The following SCN11A variants were observed in gnomAD, a reference collection of about 807,000 sequenced individuals.
SCN11A encodes the protein sodium channel protein type 11 subunit alpha.
A neutral mutation model predicts 162.2 loss-of-function variants in SCN11A; 122 were observed. The ratio of observed to expected loss-of-function variants is 0.75; its 90% CI spans 0.65 to 0.87. SCN11A has a LOEUF of 0.87. SCN11A is among the 40% of genes least tolerant of loss of function. The pLI is 0.00. For synonymous variants in SCN11A, 758 were observed against 751.5 expected, an observed-to-expected ratio of 1.01 and a Z score of -0.14; for missense variants, 2,015 against 2,181.6, an observed-to-expected ratio of 0.92 and a Z score of 1.52.
intron 7 of SCN11A, among the ~76,000 whole-genome samples, chr3:38,944,234 T>C (rs1000143849): frequency 2.0e-5 from 3 of 152,220 alleles, no homozygotes; most frequent in African/African-American, 7.2e-5. Context: ...TAGAATACAC[T>C]GCTGATGGCA....
At chr3:38,878,750 A>G (rs2065261196) in intron 23 of SCN11A, among the ~76,000 whole-genome samples, 1 of 152,122 alleles carries the variant, frequency 6.6e-6, no homozygotes, top group African/African-American at 2.4e-5. Flanking sequence ...GATGTCATGT[A>G]ATACTGATTA....
chr3:38,925,463 G>A lies in SCN11A; in HGVS notation c.664C>T (p.Arg222Cys), dbSNP rs775199760. ...PGITIKLLPL[R>C]TFRVFRALKA... ...AAAGCTCTGAACACACGGAAGGTACGCAGGGGCAATAGTTTGATGGTGATT... is the reference window on the plus strand; with the variant it reads ...AAAGCTCTGAACACACGGAAGGTACACAGGGGCAATAGTTTGATGGTGATT... Residue 222 changes from arginine to cysteine, a missense_variant, in exon 9 of 30, where the codon CGT (arginine) becomes TGT (cysteine). Coordinates refer to ENST00000302328, the MANE Select transcript of SCN11A (RefSeq NM_001349253.2). 1.9e-6 allele frequency: 3 copies of A among 1,613,728 alleles called. No homozygotes were observed. The highest frequency in any genetic ancestry group is 1.1e-5 in the South Asian group (1 of 91,072).
intron 19 of SCN11A, among the ~76,000 whole-genome samples, chr3:38,892,260 C>T (rs2065512734): frequency 6.6e-6 from 1 of 152,010 alleles, no homozygotes; most frequent in Non-Finnish European, 1.5e-5. Context: ...AGTTCGCCTA[C>T]CTTATAAAGA....
At chr3:38,943,573 A>G (rs2066471866) in intron 7 of SCN11A, among the ~76,000 whole-genome samples, 1 of 152,360 alleles carries the variant, frequency 6.6e-6, no homozygotes, top group East Asian at 1.9e-4. Context: ...ACATTAATTC[A>G]TATGTCTGAA....
At chr3:38,954,607 G>C (rs548278687) in intron 3 of SCN11A, among the ~76,000 whole-genome samples, 17 of 152,084 alleles carry the variant, frequency 1.1e-4, no homozygotes, top group African/African-American at 4.1e-4. Flanking sequence ...ACTGTACACA[G>C]TAAAATTTGT....
intron 2 of SCN11A, among the ~76,000 whole-genome samples, chr3:38,967,714 A>G (rs2066791685): frequency 6.6e-6 from 1 of 152,180 alleles, no homozygotes. Context: ...GTGGCAGGGA[A>G]TACACAAGCA....
chr3:39,010,667 C>A (rs774063460), intron 2 of SCN11A, among the ~76,000 whole-genome samples: 34 of 152,152 alleles, frequency 2.2e-4, no homozygotes, highest in Admixed American at 7.9e-4. Context: ...CGTGAGCCAC[C>A]ACTCCCAGCC....
In SCN11A at chr3:39,033,714, T is replaced by C. The variant is rs147911488; in HGVS notation, c.-403-1211A>G. On this transcript the variant is annotated intron_variant, in intron 1 of 29. Transcript: ENST00000302328. ...ACATCACAGTACAGCTGGCCCTCAA[T>C]ATCCATGGGTTCCACATCTGTGGAT... 2.0e-3 allele frequency among the ~76,000 whole-genome samples: 309 copies of C among 152,288 alleles called. 2 individuals carry two copies. The highest frequency in any genetic ancestry group is 7.0e-3 in the African/African-American group (293 of 41,562).
chr3:39,025,845 C>T (rs753329239), intron 2 of SCN11A: 6 of 152,194 alleles, frequency 3.9e-5, no homozygotes, highest in Non-Finnish European at 7.3e-5. Flanking sequence ...CCTTATTTTA[C>T]TCCTCCCCAA....
In SCN11A at chr3:38,877,160, A is replaced by G. The variant is rs1479027817; in HGVS notation, c.3393+2790T>C. 2.9e-5 allele frequency among the ~76,000 whole-genome samples: 3 copies of G among 102,940 alleles called. 1 individual carries two copies. Among genetic ancestry groups the G allele is most frequent in the Admixed American group, 2.2e-4 (2 of 9,118 alleles). 67.5% of individuals were successfully genotyped at this position (102,940 alleles called of 152,430 possible). On this transcript the variant is annotated intron_variant, in intron 23 of 29. Transcript: ENST00000302328. ...TATATATATGGTATATATATGGTGT[A>G]TATACTATATATATGGTATATATAT...
intron 2 of SCN11A, among the ~76,000 whole-genome samples, chr3:39,012,054 A>AGT (rs1323184424): frequency 1.3e-5 from 2 of 152,234 alleles, no homozygotes; most frequent in African/African-American, 4.8e-5. Context: ...GGCCAGGAGC[A>AGT]GTGGCTCATG....
intron 2 of SCN11A, among the ~76,000 whole-genome samples, chr3:39,011,189 G>C (rs1324551349): frequency 6.6e-6 from 1 of 152,144 alleles, no homozygotes; most frequent in African/African-American, 2.4e-5. Context: ...TTAAAGGCAG[G>C]GGTAAATTTC....
intron 2 of SCN11A, among the ~76,000 whole-genome samples, chr3:38,976,132 T>C (rs547229122): frequency 6.6e-6 from 1 of 152,326 alleles, no homozygotes; most frequent in East Asian, 1.9e-4. Flanking sequence ...AAGTTCAATA[T>C]ACTTAACTCT....
At chr3:38,911,772 TTTC>T (rs1461438111) in intron 11 of SCN11A, among the ~76,000 whole-genome samples, 1 of 152,168 alleles carries the variant, frequency 6.6e-6, no homozygotes, top group East Asian at 1.9e-4. Flanking sequence ...TTCTAATAAG[TTTC>T]TTTTTTTGCT....
intron 2 of SCN11A, among the ~76,000 whole-genome samples, chr3:39,006,130 C>T (rs2030966528): frequency 6.6e-6 from 1 of 152,080 alleles, no homozygotes; most frequent in African/African-American, 2.4e-5. Flanking sequence ...GATTATCATT[C>T]CTTATTATGT....
intron 2 of SCN11A, among the ~76,000 whole-genome samples, chr3:38,996,116 A>G (rs549848044): frequency 6.6e-6 from 1 of 152,276 alleles, no homozygotes; most frequent in East Asian, 1.9e-4. Context: ...ATTGTATGGC[A>G]ACTTGATCTT....
Position 38,905,328 on chromosome 3 carries a change from G to C in SCN11A, c.1474-7C>G. The C allele has an allele frequency of 6.2e-7, 1 of 1,612,846 alleles. No individual in the cohort carries two copies. Among genetic ancestry groups the C allele is most frequent in the African/African-American group, 1.3e-5 (1 of 75,004 alleles). On this transcript the variant is annotated splice_region_variant and splice_polypyrimidine_tract_variant and intron_variant, in intron 14 of 29. Transcript: ENST00000302328. ...TTTGCTCTAGGAGCTGTGGCTGTAA[G>C]AGAAGGCATAGGGCACCTTCTAAAG...
intron 2 of SCN11A, among the ~76,000 whole-genome samples, chr3:38,960,733 G>T (rs1290243063): frequency 4.6e-5 from 7 of 152,150 alleles, no homozygotes; most frequent in Admixed American, 1.3e-4. Context: ...GTGTTCTGGG[G>T]TCTCACCCCC....
In SCN11A at chr3:39,032,508, AAAC is replaced by A. The variant is rs1196314884; in HGVS notation, c.-403-8_-403-6del. 6.6e-6 allele frequency among the ~76,000 whole-genome samples: 1 copy of A among 150,766 alleles called. No homozygotes were observed. The highest frequency in any genetic ancestry group is 1.5e-5 in the Non-Finnish European group (1 of 67,436). ...CATGCGAAGCACTGGGACAATCTGA[AAAC>A]AACAACAACAACAAAAAAAACAAGC... On this transcript the variant is annotated splice_region_variant and splice_polypyrimidine_tract_variant and intron_variant, in intron 1 of 29. Transcript: ENST00000302328.
Sources: allele counts gnomAD v4.1 joint callset (sites outside exome capture counted in the v4.1 genomes callset), GRCh38; gene constraint gnomAD v4.1.1; transcripts MANE v1.5; gene names NCBI Gene and HGNC (gene_info 2026-07-23, HGNC 2026-07-21).